Variants in LRRC53 observed in about 807,000 individuals in gnomAD.
LRRC53 encodes leucine-rich repeat-containing protein 53.
Under a neutral mutation model 13.6 loss-of-function variants are expected in LRRC53, and 25 were observed. That is an observed-to-expected ratio of 1.83 (90% confidence interval 1.34 to 2.56). The LOEUF (loss-of-function observed/expected upper bound fraction) is 2.56. Among genes scored for constraint, LRRC53 ranks in the 30% most tolerant of loss-of-function variants. The pLI is 0.00. For synonymous variants in LRRC53, 204 were observed against 109.8 expected, an observed-to-expected ratio of 1.86 and a Z score of -5.37; for missense variants, 527 against 275.8, an observed-to-expected ratio of 1.91 and a Z score of -6.45.
At chr1:74,489,033 C>A (rs529000357) in intron 1 of LRRC53, among the ~76,000 whole-genome samples, 1 of 152,270 alleles carries the variant, frequency 6.6e-6, no homozygotes, top group East Asian at 1.9e-4. Context: ...AGCAAATGAA[C>A]ATTCAATTAA....
chr1:74,475,904 C>A, intron 3 of LRRC53, 94 bp from the exon 4 acceptor site: 1 of 498,098 alleles, frequency 2.0e-6, no homozygotes, highest in Non-Finnish European at 3.6e-6. Context: ...AGGTTAATGG[C>A]TTGAAAGATA....
intron 1 of LRRC53, among the ~76,000 whole-genome samples, chr1:74,483,955 G>A (rs1021884209): frequency 1.3e-5 from 2 of 152,036 alleles, no homozygotes; most frequent in Admixed American, 6.6e-5. Flanking sequence ...TTTGAATTCA[G>A]CTCTGTTTTT....
chr1:74,532,898 T>A, the LRRC53 span, among the ~76,000 whole-genome samples: 2 of 152,152 alleles, frequency 1.3e-5, no homozygotes, highest in Admixed American at 1.3e-4. Flanking sequence ...TCCTCACACC[T>A]GATACAAAAA....
intron 1 of LRRC53, among the ~76,000 whole-genome samples, chr1:74,484,484 T>C (rs1300879576): frequency 2.0e-5 from 3 of 152,214 alleles, no homozygotes; most frequent in Non-Finnish European, 4.4e-5. Flanking sequence ...TTAAGTCATA[T>C]GGTGATAAAT....
At chr1:74,503,704 G>A (rs536502076) in intron 1 of LRRC53, among the ~76,000 whole-genome samples, 151 of 152,334 alleles carry the variant, frequency 9.9e-4, no homozygotes, top group African/African-American at 3.4e-3. Context: ...GCAAAGGAGA[G>A]AAGCTAGAAT....
chr1:74,486,380 A>G (rs1224822921), intron 1 of LRRC53, among the ~76,000 whole-genome samples: 1 of 152,150 alleles, frequency 6.6e-6, no homozygotes, highest in Non-Finnish European at 1.5e-5. Flanking sequence ...GGGTTGATCT[A>G]ATATAAGCTA....
the LRRC53 span, among the ~76,000 whole-genome samples, chr1:74,521,390 C>G: frequency 6.6e-6 from 1 of 152,066 alleles, no homozygotes; most frequent in Non-Finnish European, 1.5e-5. Flanking sequence ...AAAACAATAC[C>G]TGGCACATAG....
the LRRC53 span, among the ~76,000 whole-genome samples, chr1:74,522,681 A>G: frequency 6.6e-6 from 1 of 152,038 alleles, no homozygotes; most frequent in African/African-American, 2.4e-5. Flanking sequence ...AGAAAGAGAG[A>G]AATGCCCCAG....
At chr1:74,535,253 G>T in the LRRC53 span, among the ~76,000 whole-genome samples, 2 of 151,994 alleles carry the variant, frequency 1.3e-5, no homozygotes, top group Non-Finnish European at 2.9e-5. Context: ...GAGGTGGGTG[G>T]ATCAACAGGA....
At chr1:74,482,712 G>C in intron 2 of LRRC53, among the ~76,000 whole-genome samples, 1 of 152,176 alleles carries the variant, frequency 6.6e-6, no homozygotes, top group East Asian at 1.9e-4. Flanking sequence ...TTGTTAATAA[G>C]GTGTCTTATT....
the LRRC53 span, among the ~76,000 whole-genome samples, chr1:74,526,859 A>G: frequency 2.0e-5 from 3 of 152,218 alleles, no homozygotes; most frequent in Admixed American, 6.5e-5. Flanking sequence ...GGTAAATCCA[A>G]CTGCCTGCTT....
chr1:74,496,410 T>C (rs1021399184), intron 1 of LRRC53, among the ~76,000 whole-genome samples: 1 of 152,172 alleles, frequency 6.6e-6, no homozygotes, highest in Non-Finnish European at 1.5e-5. Flanking sequence ...TTTTTTAGTA[T>C]AGCATTATGA....
At chr1:74,516,747 A>G (rs1368249144), upstream of LRRC53, among the ~76,000 whole-genome samples, 3 of 152,194 alleles carry the variant, frequency 2.0e-5, no homozygotes, top group African/African-American at 7.2e-5. Flanking sequence ...TTATTTCTCC[A>G]GTAGTAATAA....
At chr1:74,506,598 A>C (rs1264250561) in intron 1 of LRRC53, among the ~76,000 whole-genome samples, 2 of 152,226 alleles carry the variant, frequency 1.3e-5, no homozygotes, top group Admixed American at 6.5e-5. Context: ...GCTGTGACTC[A>C]CAGACCAGCA....
At chr1:74,482,720 A>G (rs145537786) in intron 2 of LRRC53, among the ~76,000 whole-genome samples, 35 of 152,336 alleles carry the variant, frequency 2.3e-4, no homozygotes, top group African/African-American at 6.3e-4. Context: ...AAGGTGTCTT[A>G]TTAAATTGTT....
At chr1:74,482,957 C>A (rs943824066) in intron 2 of LRRC53, among the ~76,000 whole-genome samples, 1 of 152,108 alleles carries the variant, frequency 6.6e-6, no homozygotes, top group African/African-American at 2.4e-5. Context: ...CAAATCTGCA[C>A]AAAGTATGTA....
In LRRC53 at chr1:74,475,700, G is replaced by T. The variant is rs1405293535; in HGVS notation, c.1015C>A (p.Pro339Thr). 6 of 707,030 alleles carry T rather than the reference G, an allele frequency of 8.5e-6. No individual in the cohort carries two copies. Among genetic ancestry groups the T allele is most frequent in the East Asian group, 8.1e-5 (3 of 37,140 alleles). 43.8% of individuals were successfully genotyped at this position (707,030 alleles called of 1,614,324 possible). A position where few individuals can be genotyped will look rare whatever the true frequency, so the allele number is the denominator to read the frequency against. ...TTTCTTGCCTCATGAGCACACAGGG[G>T]TTCATCGAAGGTTCTGCAACAAAGG... is the stretch of plus-strand genomic sequence containing the variant. ...ENLCCRTFDE[P>T]LCAHEARNYH... The change falls in exon 4 of 5, where the codon CCC becomes ACC. Residue 339 changes from proline to threonine, a missense_variant. By Grantham distance (38) the Pro-to-Thr change is conservative. Transcript: ENST00000294635.
rs45596933 is a variant in LRRC53, at chr1:74,496,122, G to C, written c.-26-12747C>G. Among the ~76,000 whole-genome samples, 1,385 of 152,260 alleles carry C rather than the reference G, an allele frequency of 9.1e-3. 24 individuals carry two copies. The highest frequency in any genetic ancestry group is 0.032 in the African/African-American group (1,340 of 41,552). ...GGGGTTGGCACCCAGGCATCAGAAT[G>C]CTTTAAAGTTCCCCAGGTGATTCCA... On this transcript the variant is annotated intron_variant, in intron 1 of 4. Transcript: ENST00000294635.
At chr1:74,532,663 C>A in the LRRC53 span, among the ~76,000 whole-genome samples, 2 of 142,552 alleles carry the variant, frequency 1.4e-5, no homozygotes, top group Non-Finnish European at 3.0e-5. Context: ...GTGTGATGTT[C>A]CCCTCCCTGT....
Sources: allele counts gnomAD v4.1 joint callset (sites outside exome capture counted in the v4.1 genomes callset), GRCh38; gene constraint gnomAD v4.1.1; transcripts MANE v1.5; gene names NCBI Gene and HGNC (gene_info 2026-07-23, HGNC 2026-07-21).